The following DDI2 variants were observed in gnomAD, a reference collection of about 807,000 sequenced individuals.
DDI2 encodes DDI proteasomal shuttling factor 2.
DDI2 carries 5 observed loss-of-function variants against 48.1 expected under a neutral mutation model. The ratio of observed to expected loss-of-function variants is 0.10; its 90% CI spans 0.05 to 0.22. The LOEUF is 0.22. DDI2 is among the 10% of genes least tolerant of loss of function. The probability of loss-of-function intolerance (pLI) is 1.00; values close to 1 mark genes in which losing one functional copy is unlikely to be tolerated. For synonymous variants in DDI2, 205 were observed against 183.6 expected (o/e 1.12, Z -0.94); for missense variants, 285 against 506.2 (o/e 0.56, Z 4.19).
At chr1:15,622,981 T>C (rs1639693721) in intron 1 of DDI2, among the ~76,000 whole-genome samples, 2 of 152,218 alleles carry the variant, frequency 1.3e-5, no homozygotes, top group African/African-American at 4.8e-5. Flanking sequence ...GAAGCAACAT[T>C]TCATATTTCA....
In DDI2 at chr1:15,661,155, A is replaced by C. The variant is rs752942165; in HGVS notation, c.*1365A>C. ...CTGTATCAGTGGAGACAGAAAAATT[A>C]ACAGGTACTTCATCTGACACTGGAA... On this transcript the variant is annotated 3_prime_UTR_variant, in exon 10 of 10. Coordinates refer to ENST00000480945, the MANE Select transcript of DDI2 (RefSeq NM_032341.5). 3 of 1,614,110 alleles carry C rather than the reference A, an allele frequency of 1.9e-6. No homozygotes were observed. The Admixed American group carries it at 5.0e-5, about 27-fold the overall frequency.
intron 6 of DDI2, among the ~76,000 whole-genome samples, chr1:15,644,607 T>C (rs1640060507): frequency 7.2e-6 from 1 of 139,556 alleles, no homozygotes; most frequent in African/African-American, 2.7e-5. Context: ...TTTTTTTTTT[T>C]TTTTGAGACG....
At chr1:15,637,992 C>T (rs1453122156) in intron 4 of DDI2, among the ~76,000 whole-genome samples, 3 of 152,122 alleles carry the variant, frequency 2.0e-5, no homozygotes, top group African/African-American at 7.2e-5. Context: ...GGAACATTCC[C>T]GAAATTCTAA....
rs542748561 is a variant in DDI2, at chr1:15,621,676, G to A, written c.138+3868G>A. On this transcript the variant is annotated intron_variant, in intron 1 of 9. Transcript: ENST00000480945. ...GCTGGGATTACAGGCGTGAGCCACC[G>A]CATCCGGCCCCAAATTGATAATTTT... 2.8e-3 allele frequency among the ~76,000 whole-genome samples: 427 copies of A among 152,190 alleles called. 5 individuals carry two copies. Among genetic ancestry groups the A allele is most frequent in the African/African-American group, 9.8e-3 (405 of 41,514 alleles).
At chr1:15,627,619 C>CT (rs1285235864) in intron 2 of DDI2, among the ~76,000 whole-genome samples, 1 of 152,160 alleles carries the variant, frequency 6.6e-6, no homozygotes, top group Non-Finnish European at 1.5e-5. Context: ...AGGGTCATAG[C>CT]TTTGTTCAGA....
intron 1 of DDI2, among the ~76,000 whole-genome samples, chr1:15,623,420 A>C (rs1201241817): frequency 1.6e-5 from 2 of 126,574 alleles, no homozygotes; most frequent in African/African-American, 3.1e-5. Context: ...AAGAGACAAG[A>C]TCTTATTCTG....
At chr1:15,627,817 A>C (rs1212871026) in intron 2 of DDI2, among the ~76,000 whole-genome samples, 2 of 152,202 alleles carry the variant, frequency 1.3e-5, no homozygotes, top group African/African-American at 4.8e-5. Context: ...GTGATGACAG[A>C]CTGACTGCAG....
At chr1:15,620,889 C>G (rs1047096427) in intron 1 of DDI2, among the ~76,000 whole-genome samples, 1 of 152,222 alleles carries the variant, frequency 6.6e-6, no homozygotes, top group Non-Finnish European at 1.5e-5. Context: ...GTTTCTTCCT[C>G]CACCGTTAAA....
At chr1:15,648,329 T>C (rs747321854) in intron 6 of DDI2, among the ~76,000 whole-genome samples, 4 of 152,164 alleles carry the variant, frequency 2.6e-5, no homozygotes, top group Non-Finnish European at 2.9e-5. Context: ...ATGATCAGCA[T>C]GAAAAAACCC....
At chr1:15,657,959 C>T (rs1172350940) in intron 9 of DDI2, among the ~76,000 whole-genome samples, 7 of 152,158 alleles carry the variant, frequency 4.6e-5, no homozygotes, top group Admixed American at 4.6e-4. Flanking sequence ...TTTGTCTTCT[C>T]ATGCTGTTAA....
intron 2 of DDI2, among the ~76,000 whole-genome samples, chr1:15,627,962 C>G (rs1570968548): frequency 6.6e-6 from 1 of 152,078 alleles, no homozygotes; most frequent in African/African-American, 2.4e-5. Context: ...AAACTTCTTT[C>G]TGAAGAAGTT....
At position 15,660,007 on chromosome 1, in the gene DDI2, C is replaced by T. The variant is rs776397465; in HGVS notation, c.*217C>T. Reference sequence around the variant, plus strand: ...CCCTATCAAGCCCAGTGACTCAGATCGCATTGAACCTAAAGCTGTGAAGGC... The same window carrying T: ...CCCTATCAAGCCCAGTGACTCAGATTGCATTGAACCTAAAGCTGTGAAGGC... On this transcript the variant is annotated 3_prime_UTR_variant, in exon 10 of 10. Coordinates refer to ENST00000480945, the MANE Select transcript of DDI2 (RefSeq NM_032341.5). 20 of 1,614,158 alleles carry T rather than the reference C, an allele frequency of 1.2e-5. No individual in the cohort carries two copies. The highest frequency in any genetic ancestry group is 8.0e-5 in the African/African-American group (6 of 75,028).
At chr1:15,650,789 A>G (rs1164219961) in intron 7 of DDI2, among the ~76,000 whole-genome samples, 2 of 152,212 alleles carry the variant, frequency 1.3e-5, no homozygotes, top group African/African-American at 2.4e-5. Context: ...TTATGTCACT[A>G]TTTTAAAATA....
At chr1:15,644,155 C>G (rs983224273) in intron 6 of DDI2, among the ~76,000 whole-genome samples, 1 of 152,204 alleles carries the variant, frequency 6.6e-6, no homozygotes, top group African/African-American at 2.4e-5. Context: ...TCAAGCACAT[C>G]CAATAGCCTC....
intron 6 of DDI2, among the ~76,000 whole-genome samples, chr1:15,645,711 A>T (rs1446010839): frequency 1.3e-5 from 2 of 152,052 alleles, no homozygotes; most frequent in Non-Finnish European, 2.9e-5. Flanking sequence ...TCTACAAAAA[A>T]TTTTTTTAAA....
rs376446510 is a variant in DDI2, at chr1:15,661,215, A to G, written c.*1425A>G. The G allele has an allele frequency of 9.3e-6, 15 of 1,614,124 alleles. No individual in the cohort carries two copies. Among genetic ancestry groups the G allele is most frequent in the African/African-American group, 6.7e-5 (5 of 74,950 alleles). On this transcript the variant is annotated 3_prime_UTR_variant, in exon 10 of 10. Coordinates refer to ENST00000480945, the MANE Select transcript of DDI2 (RefSeq NM_032341.5). Reference sequence around the variant, plus strand: ...TAGAAAATGTAAACTTCAGGAGTCTAGGTGATGGCCTGTCAACCGATAAGG... The same window carrying G: ...TAGAAAATGTAAACTTCAGGAGTCTGGGTGATGGCCTGTCAACCGATAAGG...
intron 9 of DDI2, 76 bp downstream of exon 9, chr1:15,656,755 G>A: frequency 6.3e-7 from 1 of 1,593,684 alleles, no homozygotes; most frequent in Non-Finnish European, 8.6e-7. Flanking sequence ...GCAGCAGTTT[G>A]GGAAGTTAGC....
At chr1:15,659,736 C>A in intron 9 of DDI2, 101 bp from the exon 10 acceptor site, 2 of 1,255,436 alleles carry the variant, frequency 1.6e-6, no homozygotes, top group Non-Finnish European at 1.1e-6. Flanking sequence ...GTTTGAGGAC[C>A]TTATTTTATT....
In DDI2 at chr1:15,668,886, C is replaced by T. The variant is rs1403661057; in HGVS notation, c.*9096C>T. 2 of 152,180 alleles carry T rather than the reference C, an allele frequency of 1.3e-5. No homozygotes were observed. Among genetic ancestry groups the T allele is most frequent in the African/African-American group, 4.8e-5 (2 of 41,446 alleles). The allele number at this position is 152,180 out of a possible 1,614,324, so 9.4% of individuals were successfully genotyped here. A position where few individuals can be genotyped will look rare whatever the true frequency, so the allele number is the denominator to read the frequency against. On this transcript the variant is annotated 3_prime_UTR_variant, in exon 10 of 10. Transcript: ENST00000480945. ...TGTCTGAAACTGAGTGAGCTAGATG[C>T]ATTTGGGTTTGAATTTTTGTCACAT...
Sources: gnomAD v4.1 joint callset for allele counts (sites outside exome capture counted in the v4.1 genomes callset) on GRCh38, gnomAD v4.1.1 for gene constraint, MANE v1.5 for transcripts, NCBI Gene and HGNC (gene_info 2026-07-23, HGNC 2026-07-21) for gene names.